JMJD4: variants seen among roughly 807,000 people sequenced by gnomAD.
JMJD4 encodes the protein jumonji domain containing 4, also known as 2-oxoglutarate and iron-dependent oxygenase JMJD4.
Under a neutral mutation model 36.3 loss-of-function variants are expected in JMJD4, and 34 were observed. That is an observed-to-expected ratio of 0.94 (90% CI 0.71 to 1.25). JMJD4 has a LOEUF of 1.25. Among genes scored for constraint, JMJD4 ranks in the 50% most tolerant of loss-of-function variants. The pLI is 0.00. For synonymous variants in JMJD4, 269 were observed against 235.3 expected (o/e 1.14, Z -1.31); for missense variants, 584 against 559.1 (o/e 1.04, Z -0.45).
rs1214404107 is a variant in JMJD4 at position 227,732,036 on chromosome 1, C to T, written c.*356G>A. 8.8e-6 allele frequency: 3 copies of T among 340,092 alleles called. No homozygotes were observed. The highest frequency in any genetic ancestry group is 8.3e-5 in the Admixed American group (2 of 24,206). The allele number at this position is 340,092 out of a possible 1,614,324, so 21.1% of individuals were successfully genotyped here. On this transcript the variant is annotated 3_prime_UTR_variant, in exon 6 of 6. Transcript: ENST00000620518. ...GGTCCAATGGCCTGAGACGAGGGGACAGGGCTGGCCTATTAAGAGGAGCCA... is the reference window on the plus strand; with the variant it reads ...GGTCCAATGGCCTGAGACGAGGGGATAGGGCTGGCCTATTAAGAGGAGCCA...
intron 4 of JMJD4, 51 bp downstream of exon 4, chr1:227,733,363 G>C (rs767941859): frequency 1.9e-6 from 3 of 1,539,184 alleles, no homozygotes; most frequent in Non-Finnish European, 2.6e-6. Flanking sequence ...TGGTGCTGCC[G>C]TCTTCCTGCA....
chr1:227,733,287 G>A, intron 4 of JMJD4, 127 bp downstream of exon 4: 1 of 1,045,882 alleles, frequency 9.6e-7, no homozygotes, highest in Non-Finnish European at 1.4e-6. Flanking sequence ...ACCACCTTGT[G>A]AAGGGGTCAG....
rs904781294 is a variant in JMJD4, at chr1:227,731,727, G to A, written c.*665C>T. On this transcript the variant is annotated 3_prime_UTR_variant, in exon 6 of 6. Transcript: ENST00000620518. ...AAGACCCAGCTGTGAGTGCACAGCA[G>A]GCACAGTCCCTCAGGCCCAGGTGAG... 2.6e-5 allele frequency: 4 copies of A among 155,920 alleles called. No homozygotes were observed. The highest frequency in any genetic ancestry group is 9.6e-5 in the African/African-American group (4 of 41,470). 9.7% of individuals were successfully genotyped at this position (155,920 alleles called of 1,614,324 possible). A position where few individuals can be genotyped will look rare whatever the true frequency, so the allele number is the denominator to read the frequency against.
In JMJD4 at chr1:227,732,494, C is replaced by T. The variant is rs750040900; in HGVS notation, c.1152G>A (p.Ala384=). Residue 384 remains alanine, a synonymous_variant, in exon 6 of 6, where the codon GCG becomes GCA. Transcript: ENST00000620518. The part of the protein sequence containing the change: ...RITEVLASLV[A]HPDFQRVDTS... ...TGTCCACTCTCTGGAAGTCGGGGTG[C>T]GCAACCAAGGAGGCCAGCACCTCTG... 61 of 1,613,216 alleles carry T rather than the reference C, an allele frequency of 3.8e-5. No individual in the cohort carries two copies. Among genetic ancestry groups the T allele is most frequent in the Admixed American group, 1.0e-4 (6 of 60,004 alleles).
rs200622561 is a variant in JMJD4, at chr1:227,734,712, T to C, written c.367A>G (p.Ile123Val). Residue 123 changes from isoleucine (I) to valine (V), a missense_variant, in exon 2 of 6, where the codon ATA (isoleucine) becomes GTA (valine). By Grantham distance (29) the Ile-to-Val change is conservative (BLOSUM62 3). Coordinates refer to ENST00000620518, the MANE Select transcript of JMJD4 (RefSeq NM_023007.3). ...CTGGGAGAGGAGTAGCCCGCCTGTA[T>C]GTACTCTTTCCAGTAGGTGATGTAG... ...RDYITYWKEY[I>V]QAGYSSPRGC... The C allele has an allele frequency of 3.1e-6, 5 of 1,614,176 alleles. No individual in the cohort carries two copies. The highest frequency in any genetic ancestry group is 2.2e-5 in the East Asian group (1 of 44,880).
In JMJD4 at chr1:227,734,146, C is replaced by T. The variant is rs1660886555; in HGVS notation, c.429-114G>A. ...CTCCAGTGGAGCTTCCAGATGGCTG[C>T]AGCCCCCAAAGAGCCCCAGACCCTC... On this transcript the variant is annotated intron_variant, in intron 2 of 5. Coordinates refer to ENST00000620518, the MANE Select transcript of JMJD4 (RefSeq NM_023007.3). 4 of 1,276,266 alleles carry T rather than the reference C, an allele frequency of 3.1e-6. No homozygotes were observed. The East Asian group carries it at 7.3e-5, about 23-fold the overall frequency. 79.1% of individuals were successfully genotyped at this position (1,276,266 alleles called of 1,614,324 possible).
intron 2 of JMJD4, 117 bp from the exon 3 acceptor site, chr1:227,734,149 C>T: frequency 8.2e-7 from 1 of 1,224,332 alleles, no homozygotes; most frequent in South Asian, 1.5e-5. Context: ...ATGGCTGCAG[C>T]CCCCAAAGAG....
chr1:227,734,508 C>G (rs1660927635), intron 2 of JMJD4, 143 bp downstream of exon 2: 4 of 701,664 alleles, frequency 5.7e-6, no homozygotes, highest in African/African-American at 1.8e-5. Context: ...GGAAGACAAT[C>G]CAGTTTCTTT....
intron 2 of JMJD4, 198 bp from the exon 3 acceptor site, chr1:227,734,230 T>TG: frequency 1.6e-6 from 1 of 613,808 alleles, no homozygotes; most frequent in East Asian, 2.8e-5. Context: ...ACAATGGTTC[T>TG]GCTTATTAGA....
In JMJD4 at chr1:227,733,538, G is replaced by C; in HGVS notation, c.698C>G (p.Pro233Arg). 1 of 1,607,260 alleles carries C rather than the reference G, an allele frequency of 6.2e-7. No homozygotes were observed. The highest frequency in any genetic ancestry group is 8.5e-7 in the Non-Finnish European group (1 of 1,177,236). The change falls in exon 4 of 6, where the codon CCA becomes CGA. Residue 233 changes from proline to arginine, a missense_variant. Transcript: ENST00000620518. ...HGNLPYDVTSPALCDTHLHPR... is the reference protein window; with the variant it reads ...HGNLPYDVTSRALCDTHLHPR... ...GTGCAGGTGTGTGTCGCAGAGTGCT[G>C]GGGAGGTCACGTCGTAGGGCAGGTT... is the stretch of plus-strand genomic sequence containing the variant.
In JMJD4 at chr1:227,735,189, G is replaced by C; in HGVS notation, c.85C>G (p.Arg29Gly). The C allele has an allele frequency of 1.9e-6, 3 of 1,581,480 alleles. No individual in the cohort carries two copies. Among genetic ancestry groups the C allele is most frequent in the South Asian group, 1.1e-5 (1 of 87,178 alleles). The change falls in exon 1 of 6, where the codon CGG becomes GGG. Residue 29 changes from arginine to glycine, a missense_variant. By Grantham distance (125) the Arg-to-Gly change is moderately radical (BLOSUM62 -2). Transcript: ENST00000620518. ...CCCGGCTCCGAGACGAAGGCTACCCGGCCCGGAGCCTGGCCGACGCCGGGG... is the reference window on the plus strand; with the variant it reads ...CCCGGCTCCGAGACGAAGGCTACCCCGCCCGGAGCCTGGCCGACGCCGGGG... ...DVPGVGQAPG[R>G]VAFVSEPGAF...
intron 3 of JMJD4, 29 bp downstream of exon 3, chr1:227,733,878 G>A (rs779123351): frequency 1.3e-5 from 21 of 1,611,658 alleles, no homozygotes; most frequent in South Asian, 3.3e-5. Flanking sequence ...AGGCCCCTTC[G>A]GGTTCCACTC....
At chr1:227,733,858 TTC>T (rs772182435) in intron 3 of JMJD4, 47 bp downstream of exon 3, 1 of 1,609,246 alleles carries the variant, frequency 6.2e-7, no homozygotes, top group Non-Finnish European at 8.5e-7. Flanking sequence ...TCCCAGTCCG[TTC>T]TGTCACCAGG....
At position 227,731,397 on chromosome 1, in the gene JMJD4, G is replaced by A. The variant is rs906558060; in HGVS notation, c.*995C>T. 1 of 152,254 alleles carries A rather than the reference G, an allele frequency of 6.6e-6. No individual in the cohort carries two copies. The highest frequency in any genetic ancestry group is 2.4e-5 in the African/African-American group (1 of 41,456). The allele number at this position is 152,254 out of a possible 1,614,324, so 9.4% of individuals were successfully genotyped here. ...AGCCATGGCACGTGCCGTCCCTGTG[G>A]ATTCGGATGCCTCCTCCCCTGCTGG... On this transcript the variant is annotated 3_prime_UTR_variant, in exon 6 of 6. Transcript: ENST00000620518.
intron 3 of JMJD4, 99 bp downstream of exon 3, chr1:227,733,808 A>G (rs1660847502): frequency 3.8e-6 from 6 of 1,584,332 alleles, no homozygotes; most frequent in Middle Eastern, 3.4e-4. Flanking sequence ...ACCCACTGTG[A>G]GGCCTGTGCC....
At position 227,733,022 on chromosome 1, in the gene JMJD4, G is replaced by A. The variant is rs137871535; in HGVS notation, c.828C>T (p.Asp276=). The A allele has an allele frequency of 1.1e-5, 18 of 1,613,484 alleles. No individual in the cohort carries two copies. In the African/African-American group the frequency reaches 2.3e-4, roughly 20 times the overall value. ...GWHHQVHNLD[D]TISINHNWVN... ...CCCAGTTGTGGTTGATGGAGATGGT[G>A]TCATCCTGGAAGGGGCACAGTGCAG... Residue 276 remains aspartate (D), a synonymous_variant, in exon 5 of 6, where the codon GAC becomes GAT. Coordinates refer to ENST00000620518, the MANE Select transcript of JMJD4 (RefSeq NM_023007.3).
At position 227,733,642 on chromosome 1, in the gene JMJD4, C is replaced by G; in HGVS notation, c.594G>C (p.Trp198Cys). 1 of 1,604,434 alleles carries G rather than the reference C, an allele frequency of 6.2e-7. No individual in the cohort carries two copies. The highest frequency in any genetic ancestry group is 8.5e-7 in the Non-Finnish European group (1 of 1,179,610). Residue 198 changes from tryptophan to cysteine, a missense_variant, in exon 4 of 6, where the codon TGG (tryptophan) becomes TGC (cysteine). By Grantham distance (215) the Trp-to-Cys change is radical. Transcript: ENST00000620518. ...FHADIFRSFS[W>C]SVNVCGRKKW... The stretch of plus-strand genomic sequence containing the variant: ...TCTTCCTCCCACAGACATTGACAGA[C>G]CAGCTGAAGGAGCGGAAGATGTCAG...
chr1:227,734,107 C>T, intron 2 of JMJD4, 75 bp from the exon 3 acceptor site: 2 of 1,528,634 alleles, frequency 1.3e-6, no homozygotes, highest in Non-Finnish European at 1.8e-6. Flanking sequence ...AGTGGGGCAA[C>T]TGAGACCAAT....
rs761894520 is a variant in JMJD4, at chr1:227,733,656, G to A, written c.580C>T (p.Arg194Cys). The change falls in exon 4 of 6, where the codon CGC becomes TGC. Residue 194 changes from arginine to cysteine, a missense_variant. Coordinates refer to ENST00000620518, the MANE Select transcript of JMJD4 (RefSeq NM_023007.3). ...SWSPFHADIF[R>C]SFSWSVNVCG... ...ACATTGACAGACCAGCTGAAGGAGC[G>A]GAAGATGTCAGCATGGAACGGGGAC... 1.9e-5 allele frequency: 31 copies of A among 1,602,456 alleles called. No homozygotes were observed. Among genetic ancestry groups the A allele is most frequent in the African/African-American group, 2.7e-5 (2 of 74,900 alleles).
Sources: gnomAD v4.1 joint callset for allele counts on GRCh38, gnomAD v4.1.1 for gene constraint, MANE v1.5 for transcripts, NCBI Gene and HGNC (gene_info 2026-07-23, HGNC 2026-07-21) for gene names.